Variants in KLF12 observed in about 807,000 individuals in gnomAD.
KLF12 encodes KLF transcription factor 12, also known as Krueppel-like factor 12.
In KLF12, 9 loss-of-function variants were observed where a neutral mutation model predicts 37.8. That is an observed-to-expected ratio of 0.24 (90% CI 0.14 to 0.42). The LOEUF (loss-of-function observed/expected upper bound fraction) is 0.42. Among genes scored for constraint, KLF12 ranks in the 10% least tolerant of loss-of-function variants. The pLI is 1.00. For synonymous variants in KLF12, 208 were observed against 202.1 expected, an observed-to-expected ratio of 1.03 and a Z score of -0.25; for missense variants, 411 against 516.0, an observed-to-expected ratio of 0.80 and a Z score of 1.97.
intron 6 of KLF12, among the ~76,000 whole-genome samples, chr13:73,740,038 C>T (rs753870167): frequency 5.9e-5 from 9 of 152,032 alleles, no homozygotes; most frequent in Middle Eastern, 6.8e-3. Flanking sequence ...ATGTTTATGT[C>T]CTCCCAAAAT....
At chr13:73,804,288 CTA>C (rs1882447202) in intron 5 of KLF12, among the ~76,000 whole-genome samples, 2 of 152,300 alleles carry the variant, frequency 1.3e-5, no homozygotes, top group South Asian at 4.1e-4. Context: ...AGGGTCAGAA[CTA>C]TGAGTCATTC....
the KLF12 span, among the ~76,000 whole-genome samples, chr13:74,202,363 C>G: frequency 6.6e-6 from 1 of 152,106 alleles, no homozygotes; most frequent in African/African-American, 2.4e-5. Flanking sequence ...TTATGCTCCA[C>G]TATTCAAGGG....
At chr13:73,943,824 G>A (rs567714837) in intron 3 of KLF12, among the ~76,000 whole-genome samples, 157 bp downstream of exon 3, 2 of 152,348 alleles carry the variant, frequency 1.3e-5, no homozygotes, top group Non-Finnish European at 2.9e-5. Context: ...AATGGGTACA[G>A]ATCAACCACA....
At chr13:74,160,037 A>G in the KLF12 span, among the ~76,000 whole-genome samples, 16 of 150,922 alleles carry the variant, frequency 1.1e-4, no homozygotes, top group East Asian at 3.1e-3. Flanking sequence ...TACTTTTCCA[A>G]CTAGTCCAAG....
intron 1 of KLF12, among the ~76,000 whole-genome samples, chr13:74,060,376 T>C (rs913555750): frequency 6.6e-6 from 1 of 152,190 alleles, no homozygotes; most frequent in Non-Finnish European, 1.5e-5. Flanking sequence ...ATATTGATGC[T>C]TCCAATCCAT....
rs144495077 is a variant in KLF12 at position 73,885,847 on chromosome 13, G to A, written c.124-39474C>T. On this transcript the variant is annotated intron_variant, in intron 3 of 7. Coordinates refer to ENST00000377669, the MANE Select transcript of KLF12 (RefSeq NM_007249.5). The stretch of plus-strand genomic sequence containing the variant: ...AGGAGACAATTTGTGAAGTCTGAGC[G>A]AACAGTTAGGGAGATGGAGACTAAT... Among the ~76,000 whole-genome samples, 420 of 152,296 alleles carry A rather than the reference G, an allele frequency of 2.8e-3. 10 individuals are homozygous for A. The highest frequency in any genetic ancestry group is 0.025 in the Admixed American group (388 of 15,294).
chr13:74,060,462 T>C (rs1024364622), intron 1 of KLF12, among the ~76,000 whole-genome samples: 6 of 148,026 alleles, frequency 4.1e-5, no homozygotes, highest in African/African-American at 1.2e-4. Flanking sequence ...TTCGCCTCCG[T>C]GGTTAAATGT....
At chr13:74,282,752 T>C in the KLF12 span, among the ~76,000 whole-genome samples, 1 of 152,126 alleles carries the variant, frequency 6.6e-6, no homozygotes, top group East Asian at 1.9e-4. Context: ...GGTAATGAAA[T>C]AGGGATGGGT....
rs1443144791 is a variant in KLF12 at position 73,690,454 on chromosome 13, G to C, written c.*5036C>G. 1.3e-5 allele frequency: 2 copies of C among 152,182 alleles called. No homozygotes were observed. The highest frequency in any genetic ancestry group is 4.8e-5 in the African/African-American group (2 of 41,464). The allele number at this position is 152,182 out of a possible 1,614,324, so 9.4% of individuals were successfully genotyped here. ...AGATAACTGAGAAAAGAGAACAATT[G>C]TAAGATGCTCCTCTTTAGTACAAGC... On this transcript the variant is annotated 3_prime_UTR_variant, in exon 8 of 8. Transcript: ENST00000377669.
intron 5 of KLF12, among the ~76,000 whole-genome samples, chr13:73,811,512 A>G (rs1410306542): frequency 6.6e-6 from 1 of 152,176 alleles, no homozygotes; most frequent in Non-Finnish European, 1.5e-5. Context: ...TACTATTACT[A>G]TTAGTACTAT....
chr13:74,261,376 A>G, the KLF12 span, among the ~76,000 whole-genome samples: 5 of 152,182 alleles, frequency 3.3e-5, no homozygotes, highest in East Asian at 1.9e-4. Context: ...AATTTTTTCT[A>G]AACAGAAGCA....
chr13:74,017,980 AGCTC>A (rs771209491), intron 1 of KLF12, among the ~76,000 whole-genome samples: 4 of 152,170 alleles, frequency 2.6e-5, no homozygotes, highest in Non-Finnish European at 5.9e-5. Flanking sequence ...GGTGCATGCC[AGCTC>A]CACTCTACCT....
At chr13:74,217,611 C>T in the KLF12 span, among the ~76,000 whole-genome samples, 3 of 152,100 alleles carry the variant, frequency 2.0e-5, no homozygotes, top group Admixed American at 1.3e-4. Context: ...CCTGTTATCC[C>T]AGCTACTCAG....
chr13:74,157,143 C>T, the KLF12 span, among the ~76,000 whole-genome samples: 1 of 152,086 alleles, frequency 6.6e-6, no homozygotes, highest in African/African-American at 2.4e-5. Flanking sequence ...TTAGTGGCTG[C>T]CTAATTTTCT....
chr13:73,959,049 T>C (rs1057273129), intron 2 of KLF12, among the ~76,000 whole-genome samples: 1 of 142,136 alleles, frequency 7.0e-6, no homozygotes, highest in Admixed American at 7.7e-5. Context: ...CATCTCCAAC[T>C]GGACATTCCA....
At chr13:73,706,763 T>C (rs1874983938) in intron 7 of KLF12, among the ~76,000 whole-genome samples, 1 of 152,186 alleles carries the variant, frequency 6.6e-6, no homozygotes, top group African/African-American at 2.4e-5. Flanking sequence ...ATGCTGGATA[T>C]GTGTGAATGA....
chr13:73,854,936 T>G (rs1438502503), intron 3 of KLF12, among the ~76,000 whole-genome samples: 1 of 152,112 alleles, frequency 6.6e-6, no homozygotes, highest in Non-Finnish European at 1.5e-5. Flanking sequence ...TAAAGAGAGA[T>G]ACACCACCAG....
chr13:73,799,738 T>C (rs1416152313), intron 5 of KLF12, among the ~76,000 whole-genome samples: 1 of 152,150 alleles, frequency 6.6e-6, no homozygotes. Flanking sequence ...TTTCCTATTA[T>C]ATATTAGAAA....
chr13:73,790,920 C>G (rs903171671), intron 5 of KLF12, among the ~76,000 whole-genome samples: 4 of 152,196 alleles, frequency 2.6e-5, no homozygotes, highest in African/African-American at 9.6e-5. Context: ...CCATGAAAGT[C>G]TCCCCTGTTC....
Sources: allele counts gnomAD v4.1 joint callset (sites outside exome capture counted in the v4.1 genomes callset), GRCh38; gene constraint gnomAD v4.1.1; transcripts MANE v1.5; gene names NCBI Gene and HGNC (gene_info 2026-07-23, HGNC 2026-07-21).